UQCC1: variants seen among roughly 807,000 people sequenced by gnomAD.
UQCC1 encodes ubiquinol-cytochrome c reductase complex assembly factor 1.
UQCC1 carries 38 observed loss-of-function variants against 48.0 expected under a neutral mutation model. The ratio of observed to expected loss-of-function variants is 0.79; its 90% CI spans 0.61 to 1.04. The LOEUF is 1.04. Ranked by LOEUF, UQCC1 falls within the 50% of genes least tolerant of loss-of-function variation. The pLI, the probability that UQCC1 is intolerant of heterozygous loss-of-function variation, is 0.00. For missense variants in UQCC1, 368 were observed against 381.8 expected, an observed-to-expected ratio of 0.96 and a Z score of 0.30; for synonymous variants, 111 against 129.2, an observed-to-expected ratio of 0.86 and a Z score of 0.95.
Position 35,360,688 on chromosome 20 carries a change from AC to A in UQCC1, c.464+5868del, listed in dbSNP as rs574183630. On this transcript the variant is annotated intron_variant, in intron 6 of 9. Transcript: ENST00000374385. ...TGCTTTCCTTGACCATCCCCAGGCA[AC>A]CCCCCTTCCCCCGTGATCCCATATA... Among the ~76,000 whole-genome samples, 22 of 150,996 alleles carry A rather than the reference AC, an allele frequency of 1.5e-4. No homozygotes were observed. In the East Asian group the frequency reaches 4.3e-3, roughly 30 times the overall value.
Position 35,402,607 on chromosome 20 carries a change from AC to A in UQCC1, c.25-8412del, listed in dbSNP as rs1568714644. On this transcript the variant is annotated intron_variant, in intron 1 of 9. Coordinates refer to ENST00000374385, the MANE Select transcript of UQCC1 (RefSeq NM_018244.5). The stretch of plus-strand genomic sequence containing the variant: ...AACAAACAAACAAACAAACAAACAA[AC>A]AAACAAAATATATATATATATATAA... Among the ~76,000 whole-genome samples the A allele has an allele frequency of 6.5e-5, 9 of 138,190 alleles. No individual in the cohort carries two copies. In the South Asian group the frequency reaches 8.7e-4, roughly 13 times the overall value. The allele number at this position is 138,190 out of a possible 152,430, so 90.7% of individuals were successfully genotyped here.
intron 5 of UQCC1, among the ~76,000 whole-genome samples, chr20:35,372,475 A>T (rs978087512): frequency 2.0e-5 from 3 of 152,222 alleles, no homozygotes; most frequent in African/African-American, 7.2e-5. Context: ...GGTGAACACT[A>T]AATTGGAATT....
At chr20:35,333,953 G>A (rs1461585648) in intron 7 of UQCC1, among the ~76,000 whole-genome samples, 5 of 152,198 alleles carry the variant, frequency 3.3e-5, no homozygotes. Flanking sequence ...GACCTCTCCT[G>A]AAGGCCGGGG....
intron 8 of UQCC1, 31 bp from the exon 9 acceptor site, chr20:35,306,810 G>A (rs767038026): frequency 6.5e-7 from 1 of 1,549,044 alleles, no homozygotes; most frequent in East Asian, 2.2e-5. Context: ...GTGGTCTCCT[G>A]AGGGATCCAC....
intron 2 of UQCC1, among the ~76,000 whole-genome samples, chr20:35,389,343 T>A (rs2061985543): frequency 6.6e-6 from 1 of 151,890 alleles, no homozygotes; most frequent in Non-Finnish European, 1.5e-5. Context: ...GGCGCATAGA[T>A]CACAAGGTCA....
chr20:35,370,568 T>C (rs1349094294), intron 5 of UQCC1, among the ~76,000 whole-genome samples: 1 of 152,148 alleles, frequency 6.6e-6, no homozygotes. Flanking sequence ...CAGAATGTAA[T>C]AAAAATGAAC....
chr20:35,369,156 CACAG>C (rs750162369), intron 5 of UQCC1, among the ~76,000 whole-genome samples: 7 of 152,178 alleles, frequency 4.6e-5, no homozygotes, highest in East Asian at 1.9e-4. Flanking sequence ...GGCTGGAAAG[CACAG>C]ACAGACAGGC....
chr20:35,338,892 A>AATATATATAT (rs1555805505), intron 7 of UQCC1, among the ~76,000 whole-genome samples: 2 of 30,574 alleles, frequency 6.5e-5, no homozygotes, highest in Admixed American at 4.4e-4. Flanking sequence ...AAAAAAAAAA[A>AATATATATAT]ATATATATAT....
Position 35,314,679 on chromosome 20 carries a change from CA to C in UQCC1, c.651+8del. ...ACCGTCCTGCCTAAGCCTTGGCAAA[CA>C]ATCTTACCTCATCATATCCCAAGAT... On this transcript the variant is annotated splice_region_variant and intron_variant, in intron 8 of 9. Transcript: ENST00000374385. The C allele has an allele frequency of 6.3e-7, 1 of 1,599,904 alleles. No homozygotes were observed. Among genetic ancestry groups the C allele is most frequent in the South Asian group, 1.1e-5 (1 of 89,464 alleles).
chr20:35,379,580 G>T (rs1295973728), intron 4 of UQCC1, among the ~76,000 whole-genome samples: 2 of 152,150 alleles, frequency 1.3e-5, no homozygotes, highest in Admixed American at 6.5e-5. Context: ...AAGGCAGGCG[G>T]AATCACTTGA....
intron 7 of UQCC1, among the ~76,000 whole-genome samples, chr20:35,324,862 G>A (rs2061174571): frequency 6.6e-6 from 1 of 152,086 alleles, no homozygotes; most frequent in Non-Finnish European, 1.5e-5. Flanking sequence ...TTGAAAGCGG[G>A]AATTGGAACT....
chr20:35,360,365 GT>G (rs1163889980), intron 6 of UQCC1, among the ~76,000 whole-genome samples: 1 of 152,146 alleles, frequency 6.6e-6, no homozygotes, highest in African/African-American at 2.4e-5. Flanking sequence ...TGCCGGTGCA[GT>G]TCTCTGGCTG....
intron 7 of UQCC1, among the ~76,000 whole-genome samples, chr20:35,328,570 C>G (rs990205566): frequency 6.6e-6 from 1 of 151,930 alleles, no homozygotes; most frequent in African/African-American, 2.4e-5. Context: ...AGAGACCTTG[C>G]CCAAGGTCAC....
At chr20:35,383,530 A>G (rs920720131) in intron 3 of UQCC1, among the ~76,000 whole-genome samples, 2 of 152,134 alleles carry the variant, frequency 1.3e-5, no homozygotes, top group Admixed American at 1.3e-4. Flanking sequence ...AGCCATGATC[A>G]TGCCACTGCA....
At chr20:35,393,815 G>A (rs1382067836) in intron 2 of UQCC1, among the ~76,000 whole-genome samples, 1 of 151,950 alleles carries the variant, frequency 6.6e-6, no homozygotes, top group Non-Finnish European at 1.5e-5. Context: ...ATTGAAAAAG[G>A]TTAACTCGGA....
intron 7 of UQCC1, chr20:35,346,152 C>T (rs1256960362): frequency 6.6e-6 from 1 of 151,830 alleles, no homozygotes; most frequent in Non-Finnish European, 1.5e-5. Flanking sequence ...CCAATCAGCA[C>T]TCTGTAAAAA....
chr20:35,411,914 C>T (rs756902816), intron 1 of UQCC1, 26 bp downstream of exon 1: 1 of 1,614,174 alleles, frequency 6.2e-7, no homozygotes, highest in Non-Finnish European at 8.5e-7. Flanking sequence ...CAGAGAGCTA[C>T]CGTAGAAAAT....
At chr20:35,321,981 C>T (rs6088792) in intron 7 of UQCC1, among the ~76,000 whole-genome samples, 39,371 of 152,106 alleles carry the variant, frequency 0.26, 5,529 homozygotes, top group Middle Eastern at 0.36. Context: ...AATATTAAGT[C>T]CACAATCATC....
intron 6 of UQCC1, among the ~76,000 whole-genome samples, chr20:35,362,013 T>C (rs540469177): frequency 6.6e-6 from 1 of 152,278 alleles, no homozygotes; most frequent in Middle Eastern, 3.4e-3. Flanking sequence ...CCATGACAAT[T>C]TGAAAAGGGG....
Sources: gnomAD v4.1 joint callset for allele counts (sites outside exome capture counted in the v4.1 genomes callset) on GRCh38, gnomAD v4.1.1 for gene constraint, MANE v1.5 for transcripts, NCBI Gene and HGNC (gene_info 2026-07-23, HGNC 2026-07-21) for gene names.